Variants in MAD1L1 observed in about 807,000 individuals in gnomAD.
The protein encoded by MAD1L1 is mitotic spindle assembly checkpoint protein MAD1.
MAD1L1 carries 95 observed loss-of-function variants against 96.9 expected under a neutral mutation model. The observed-to-expected ratio is 0.98, with a 90% CI of 0.83 to 1.16. The LOEUF (loss-of-function observed/expected upper bound fraction) is 1.16, where lower values mean the gene tolerates loss of function less well. Among genes scored for constraint, MAD1L1 ranks in the 50% most tolerant of loss-of-function variants. The probability of loss-of-function intolerance (pLI) is 0.00; values close to 1 mark genes in which losing one functional copy is unlikely to be tolerated. For synonymous variants in MAD1L1, 473 were observed against 396.6 expected (o/e 1.19, Z -2.29); for missense variants, 1,007 against 954.4 (o/e 1.06, Z -0.73).
At chr7:1,866,161 G>A (rs1028106580) in intron 18 of MAD1L1, among the ~76,000 whole-genome samples, 14 of 152,224 alleles carry the variant, frequency 9.2e-5, no homozygotes, top group South Asian at 6.2e-4. Flanking sequence ...CAGAACGCCC[G>A]GGTGCACACT....
chr7:2,183,893 A>G (rs1414437604), intron 10 of MAD1L1, among the ~76,000 whole-genome samples: 3 of 151,982 alleles, frequency 2.0e-5, no homozygotes, highest in Non-Finnish European at 2.9e-5. Context: ...CCTAAAACTT[A>G]AAGTATAATA....
chr7:2,153,135 T>G (rs1383585826), intron 10 of MAD1L1, among the ~76,000 whole-genome samples: 1 of 152,072 alleles, frequency 6.6e-6, no homozygotes, highest in African/African-American at 2.4e-5. Flanking sequence ...GGCAAAGATT[T>G]TATAGCTAAG....
intron 17 of MAD1L1, among the ~76,000 whole-genome samples, chr7:1,900,031 C>G (rs577631269): frequency 6.6e-6 from 1 of 152,350 alleles, no homozygotes; most frequent in Admixed American, 6.5e-5. Flanking sequence ...CAGCTGCCTT[C>G]AGAGGTGTTA....
At position 1,816,078 on chromosome 7, in the gene MAD1L1, C is replaced by T. The variant is rs377113510; in HGVS notation, c.2149G>A (p.Val717Met). The T allele has an allele frequency of 4.3e-5, 69 of 1,609,996 alleles. No homozygotes were observed. In the South Asian group the frequency reaches 5.6e-4, roughly 13 times the overall value. ...LTLELFSRQT[V>M]A ...GCCCCCGAGCCTGCAGGCTACGCCA[C>T]GGTCTGGCGGCTGAAGAGCTCGAGG... Residue 717 changes from valine (V) to methionine (M), a missense_variant, in exon 19 of 19, where the codon GTG (valine) becomes ATG (methionine). Coordinates refer to ENST00000265854, the MANE Select transcript of MAD1L1 (RefSeq NM_001013836.2).
At position 2,142,584 on chromosome 7, in the gene MAD1L1, G is replaced by A. The variant is rs913083177; in HGVS notation, c.1073+6568C>T. 1.9e-4 allele frequency among the ~76,000 whole-genome samples: 29 copies of A among 152,298 alleles called. No homozygotes were observed. The highest frequency in any genetic ancestry group is 1.0e-3 in the Admixed American group (16 of 15,300). On this transcript the variant is annotated intron_variant, in intron 11 of 18. Coordinates refer to ENST00000265854, the MANE Select transcript of MAD1L1 (RefSeq NM_001013836.2). The surrounding 1 kb of genome is among the most constrained non-coding windows in gnomAD (Gnocchi z 4.7). ...CGGTGCCACCCAGAGCTCCTGGCGCGTGCCCTGCCACAGCCCTGGACCAGA... is the reference window on the plus strand; with the variant it reads ...CGGTGCCACCCAGAGCTCCTGGCGCATGCCCTGCCACAGCCCTGGACCAGA...
intron 17 of MAD1L1, 42 bp downstream of exon 17, chr7:1,936,645 G>A: frequency 2.6e-6 from 4 of 1,531,764 alleles, no homozygotes; most frequent in Non-Finnish European, 3.5e-6. Flanking sequence ...CCTACCCACG[G>A]AAGGTCGAGG....
At position 1,908,874 on chromosome 7, in the gene MAD1L1, T is replaced by C. The variant is rs185925194; in HGVS notation, c.1808-10484A>G. ...CCACACGGCCTGGCTCCCCCAAGTG[T>C]CTATTTCCCACCTCTCGTTAGATGT... On this transcript the variant is annotated intron_variant, in intron 17 of 18. Coordinates refer to ENST00000265854, the MANE Select transcript of MAD1L1 (RefSeq NM_001013836.2). Among the ~76,000 whole-genome samples, 292 of 152,214 alleles carry C rather than the reference T, an allele frequency of 1.9e-3. 1 individual carries two copies. Among genetic ancestry groups the C allele is most frequent in the African/African-American group, 6.6e-3 (274 of 41,544 alleles).
intron 14 of MAD1L1, 63 bp from the exon 15 acceptor site, chr7:1,980,604 C>T: frequency 7.4e-7 from 1 of 1,357,916 alleles, no homozygotes; most frequent in Non-Finnish European, 1.0e-6. Context: ...GTGGGGAACC[C>T]CAGCCCAGGC....
intron 10 of MAD1L1, among the ~76,000 whole-genome samples, chr7:2,186,191 C>T (rs935192425): frequency 6.6e-6 from 1 of 152,186 alleles, no homozygotes; most frequent in Non-Finnish European, 1.5e-5. Context: ...TACTCTATGT[C>T]TTAGCATTCC....
intron 11 of MAD1L1, among the ~76,000 whole-genome samples, chr7:2,070,410 T>A (rs945973146): frequency 4.6e-5 from 7 of 151,820 alleles, no homozygotes; most frequent in Non-Finnish European, 8.8e-5. Context: ...ACACAGGTGC[T>A]CCCAGGAAGG....
intron 10 of MAD1L1, among the ~76,000 whole-genome samples, chr7:2,167,805 G>A (rs925876215): frequency 1.3e-5 from 2 of 152,010 alleles, no homozygotes; most frequent in Non-Finnish European, 2.9e-5. Context: ...GGAGGCCAAG[G>A]CAGGAGGATC....
chr7:1,898,496 G>A (rs756562920), intron 17 of MAD1L1, 106 bp from the exon 18 acceptor site: 11 of 884,224 alleles, frequency 1.2e-5, no homozygotes, highest in African/African-American at 1.7e-5. Context: ...TGGGAGTGGC[G>A]GCTGCCCAGG....
intron 18 of MAD1L1, among the ~76,000 whole-genome samples, chr7:1,871,005 G>GT (rs201552106): frequency 0.015 from 1,688 of 112,946 alleles, 51 homozygotes; most frequent in Non-Finnish European, 0.023. Flanking sequence ...CGAACCAACC[G>GT]TAACACCTGC....
Position 1,829,647 on chromosome 7 carries a change from GC to G in MAD1L1, c.1999-13420del, listed in dbSNP as rs1782606491. 2.0e-5 allele frequency: 3 copies of G among 149,348 alleles called. No individual in the cohort carries two copies. The Admixed American group carries it at 2.0e-4, about 10-fold the overall frequency. The allele number at this position is 149,348 out of a possible 1,614,324, so 9.3% of individuals were successfully genotyped here. On this transcript the variant is annotated intron_variant, in intron 18 of 18. Coordinates refer to ENST00000265854, the MANE Select transcript of MAD1L1 (RefSeq NM_001013836.2). ...AGCAAAGAGTCTTGAAAAAGTAGTGGCCCCAATTTTCTGAAATGTGTGGAAA... is the reference window on the plus strand; with the variant it reads ...AGCAAAGAGTCTTGAAAAAGTAGTGGCCCAATTTTCTGAAATGTGTGGAAA...
chr7:2,185,202 C>G (rs1037541712), intron 10 of MAD1L1, among the ~76,000 whole-genome samples: 1 of 77,426 alleles, frequency 1.3e-5, no homozygotes, highest in Non-Finnish European at 2.4e-5. Flanking sequence ...ATCCCACACT[C>G]TCTTGCCTCC....
At chr7:1,901,121 G>C (rs1336932017) in intron 17 of MAD1L1, among the ~76,000 whole-genome samples, 1 of 152,218 alleles carries the variant, frequency 6.6e-6, no homozygotes, top group East Asian at 1.9e-4. Context: ...ACGTAGGGAA[G>C]GGTCCATCCT....
In MAD1L1 at chr7:1,929,717, C is replaced by T. The variant is rs1449779555; in HGVS notation, c.1807+6970G>A. Among the ~76,000 whole-genome samples the T allele has an allele frequency of 3.4e-5, 5 of 148,664 alleles. 1 individual carries two copies. The highest frequency in any genetic ancestry group is 7.4e-5 in the African/African-American group (3 of 40,618). Reference sequence around the variant, plus strand: ...CTGCAGCCCCGCTGCCACGTCCCCTCGCCCATCCCCCACTGCCACGTCCCC... The same window carrying T: ...CTGCAGCCCCGCTGCCACGTCCCCTTGCCCATCCCCCACTGCCACGTCCCC... On this transcript the variant is annotated intron_variant, in intron 17 of 18. Coordinates refer to ENST00000265854, the MANE Select transcript of MAD1L1 (RefSeq NM_001013836.2).
At chr7:2,055,846 G>A (rs1001427075) in intron 12 of MAD1L1, among the ~76,000 whole-genome samples, 2 of 152,028 alleles carry the variant, frequency 1.3e-5, no homozygotes, top group African/African-American at 4.8e-5. Context: ...GGACATGGTG[G>A]CAGGCGCCTG....
chr7:2,077,968 C>A (rs528103079), intron 11 of MAD1L1, among the ~76,000 whole-genome samples: 2 of 152,324 alleles, frequency 1.3e-5, no homozygotes, highest in African/African-American at 4.8e-5. Flanking sequence ...GAAATACTCT[C>A]CCGGAAGGCC....
Sources: gnomAD v4.1 joint callset for allele counts (sites outside exome capture counted in the v4.1 genomes callset) on GRCh38, gnomAD v4.1.1 for gene constraint, Gnocchi (gnomAD v3.1) non-coding constraint, MANE v1.5 for transcripts, NCBI Gene and HGNC (gene_info 2026-07-23, HGNC 2026-07-21) for gene names.